ROBO1: variants seen among roughly 807,000 people sequenced by gnomAD.
ROBO1 encodes the protein roundabout homolog 1.
A neutral mutation model predicts 195.9 loss-of-function variants in ROBO1; 149 were observed. The observed-to-expected ratio is 0.76, with a 90% CI of 0.67 to 0.87. The LOEUF (loss-of-function observed/expected upper bound fraction) is 0.87, where lower values mean the gene tolerates loss of function less well. ROBO1 is among the 40% of genes least tolerant of loss of function. The pLI is 0.00. For synonymous variants in ROBO1, 816 were observed against 733.2 expected (o/e 1.11, Z -1.82); for missense variants, 1,933 against 2,068.3 (o/e 0.93, Z 1.27).
At chr3:78,694,733 A>G (rs577900820) in intron 8 of ROBO1, among the ~76,000 whole-genome samples, 4 of 152,304 alleles carry the variant, frequency 2.6e-5, no homozygotes, top group African/African-American at 9.6e-5. Context: ...AATGACAGTA[A>G]GAAGTATTTA....
intron 3 of ROBO1, among the ~76,000 whole-genome samples, chr3:79,120,188 A>G (rs947710785): frequency 3.9e-5 from 6 of 152,318 alleles, no homozygotes; most frequent in African/African-American, 1.4e-4. Context: ...AGGAAGTTGG[A>G]GAAAAAAACA....
intron 28 of ROBO1, among the ~76,000 whole-genome samples, chr3:78,609,732 T>C (rs181345788): frequency 1.2e-3 from 179 of 152,318 alleles, no homozygotes; most frequent in African/African-American, 4.0e-3. Flanking sequence ...ATCATTTTCA[T>C]GTATCAGCAT....
chr3:79,143,019 T>TA (rs1168135497), intron 2 of ROBO1, among the ~76,000 whole-genome samples: 1 of 152,104 alleles, frequency 6.6e-6, no homozygotes, highest in Non-Finnish European at 1.5e-5. Context: ...CGTAAAAGTG[T>TA]AATACGGGAG....
chr3:79,373,691 G>T (rs909829608), intron 2 of ROBO1, among the ~76,000 whole-genome samples: 1 of 152,200 alleles, frequency 6.6e-6, no homozygotes, highest in South Asian at 2.1e-4. Flanking sequence ...AAGATCCTCT[G>T]AAGTGAATTT....
At chr3:79,241,681 T>C (rs1291373612) in intron 2 of ROBO1, among the ~76,000 whole-genome samples, 2 of 150,534 alleles carry the variant, frequency 1.3e-5, no homozygotes, top group Non-Finnish European at 3.0e-5. Flanking sequence ...TAGATAACAA[T>C]ATTTATGTAA....
At chr3:79,739,397 C>A (rs1317055943) in intron 1 of ROBO1, among the ~76,000 whole-genome samples, 1 of 152,038 alleles carries the variant, frequency 6.6e-6, no homozygotes, top group Non-Finnish European at 1.5e-5. Context: ...GGAGCTAAAC[C>A]TTTGTATACT....
At chr3:79,175,818 T>C (rs2081253884) in intron 2 of ROBO1, among the ~76,000 whole-genome samples, 1 of 152,246 alleles carries the variant, frequency 6.6e-6, no homozygotes, top group African/African-American at 2.4e-5. Context: ...GGTTCTTATT[T>C]GACCCACTCT....
chr3:79,391,295 AT>A (rs767528680), intron 2 of ROBO1, among the ~76,000 whole-genome samples: 43 of 152,266 alleles, frequency 2.8e-4, no homozygotes, highest in Non-Finnish European at 5.4e-4. Context: ...TCCATCTCAA[AT>A]AAAACAAAAA....
intron 2 of ROBO1, among the ~76,000 whole-genome samples, chr3:79,140,080 G>A (rs1245079178): frequency 6.6e-6 from 1 of 152,084 alleles, no homozygotes; most frequent in Non-Finnish European, 1.5e-5. Flanking sequence ...AGCTACCTGG[G>A]TTTGAGGTAC....
intron 1 of ROBO1, among the ~76,000 whole-genome samples, chr3:79,700,202 T>A (rs928625770): frequency 3.3e-5 from 5 of 151,736 alleles, no homozygotes; most frequent in African/African-American, 9.7e-5. Context: ...CCATAGTGTA[T>A]TACATTTTCT....
intron 1 of ROBO1, among the ~76,000 whole-genome samples, chr3:79,654,595 G>T (rs1284882685): frequency 6.6e-6 from 1 of 151,940 alleles, no homozygotes; most frequent in Non-Finnish European, 1.5e-5. Flanking sequence ...TAGTTGTTCT[G>T]TCTATTCATC....
intron 4 of ROBO1, among the ~76,000 whole-genome samples, chr3:78,752,367 T>C (rs2082818874): frequency 6.6e-6 from 1 of 152,180 alleles, no homozygotes; most frequent in South Asian, 2.1e-4. Flanking sequence ...CAGTGAAGTA[T>C]ATGTAAAATG....
At chr3:79,526,396 A>G (rs1459701843) in intron 2 of ROBO1, 3 of 152,214 alleles carry the variant, frequency 2.0e-5, no homozygotes, top group Non-Finnish European at 1.5e-5. Context: ...TAGGTAACAG[A>G]TAGAGCTATG....
intron 2 of ROBO1, among the ~76,000 whole-genome samples, chr3:79,343,428 C>T (rs1206086655): frequency 1.3e-5 from 2 of 152,018 alleles, no homozygotes; most frequent in African/African-American, 4.8e-5. Context: ...TGACTGCATA[C>T]GTTTGCAATC....
chr3:78,800,149 T>C lies in ROBO1; in HGVS notation c.500-53249A>G, dbSNP rs554076372. Among the ~76,000 whole-genome samples, 3 of 152,312 alleles carry C rather than the reference T, an allele frequency of 2.0e-5. No homozygotes were observed. In the South Asian group the frequency reaches 6.2e-4, roughly 32 times the overall value. ...CTGTCATTGATAGTTCTCATTTATC[T>C]TCAAGGTGGGGTATATTTTGCTTCT... is the stretch of plus-strand genomic sequence containing the variant. On this transcript the variant is annotated intron_variant, in intron 4 of 30. Transcript: ENST00000464233.
At chr3:78,700,162 A>C (rs1406389431) in intron 8 of ROBO1, among the ~76,000 whole-genome samples, 1 of 152,212 alleles carries the variant, frequency 6.6e-6, no homozygotes, top group Non-Finnish European at 1.5e-5. Context: ...AAGAAATGAC[A>C]ATAATGTTCC....
intron 2 of ROBO1, among the ~76,000 whole-genome samples, chr3:79,313,861 C>T (rs1475357164): frequency 2.0e-5 from 3 of 152,062 alleles, no homozygotes; most frequent in African/African-American, 7.2e-5. Flanking sequence ...ATTTATAAAT[C>T]ATATAGTCAC....
chr3:79,185,877 ATC>A (rs1268173846), intron 2 of ROBO1, among the ~76,000 whole-genome samples: 1 of 152,148 alleles, frequency 6.6e-6, no homozygotes, highest in Non-Finnish European at 1.5e-5. Context: ...AATTCTCTAT[ATC>A]TCTGTGTATT....
chr3:78,910,745 G>T (rs1288336348), intron 4 of ROBO1, among the ~76,000 whole-genome samples: 1 of 150,662 alleles, frequency 6.6e-6, no homozygotes, highest in East Asian at 1.9e-4. Flanking sequence ...TATTACTTTG[G>T]GTACAACATT....
Sources: allele counts gnomAD v4.1 joint callset (sites outside exome capture counted in the v4.1 genomes callset), GRCh38; gene constraint gnomAD v4.1.1; transcripts MANE v1.5; gene names NCBI Gene and HGNC (gene_info 2026-07-23, HGNC 2026-07-21).